TNNT2: variants seen among roughly 807,000 people sequenced by gnomAD.
TNNT2 encodes troponin T2, cardiac type, also known as troponin T, cardiac muscle.
TNNT2 carries 34 observed loss-of-function variants against 62.4 expected under a neutral mutation model. The ratio of observed to expected loss-of-function variants is 0.54; its 90% confidence interval spans 0.41 to 0.72. TNNT2 has a LOEUF of 0.72. Among genes scored for constraint, TNNT2 ranks in the 30% least tolerant of loss-of-function variants. TNNT2 has a pLI of 0.00. For missense variants in TNNT2, 275 were observed against 381.9 expected (o/e 0.72, Z 2.33); for synonymous variants, 123 against 127.2 (o/e 0.97, Z 0.22).
chr1:201,360,165 G>A (rs186600073), intron 15 of TNNT2, among the ~76,000 whole-genome samples: 1 of 152,290 alleles, frequency 6.6e-6, no homozygotes, highest in African/African-American at 2.4e-5. Flanking sequence ...ACCAAAAAAA[G>A]AGAAAAAAGT....
At chr1:201,370,135 C>T (rs1043343728) in intron 4 of TNNT2, among the ~76,000 whole-genome samples, 2 of 152,224 alleles carry the variant, frequency 1.3e-5, no homozygotes, top group African/African-American at 4.8e-5. Flanking sequence ...CCAGCAGGTG[C>T]CTGGCACAAG....
Position 201,361,296 on chromosome 1 carries a change from T to C in TNNT2, c.793A>G (p.Lys265Glu). The C allele has an allele frequency of 6.2e-7, 1 of 1,614,140 alleles. No individual in the cohort carries two copies. Among genetic ancestry groups the C allele is most frequent in the Non-Finnish European group, 8.5e-7 (1 of 1,180,004 alleles). ...AEKFDLQEKFKQQKYEINVLR... is the reference protein window; with the variant it reads ...AEKFDLQEKFEQQKYEINVLR... ...CGGCCCACCTCATATTTCTGCTGCT[T>C]GAACTTCTCCTGCAGGTCGAACTTC... Residue 265 changes from lysine (K) to glutamate (E), a missense_variant, in exon 15 of 17, where the codon AAG becomes GAG. Lys to Glu is a moderately conservative substitution (Grantham distance 56, BLOSUM62 1). Coordinates refer to ENST00000656932, the MANE Select transcript of TNNT2 (RefSeq NM_001276345.2).
At chr1:201,366,261 C>T (rs777257807) in intron 8 of TNNT2, 8 of 1,016,554 alleles carry the variant, frequency 7.9e-6, no homozygotes, top group Non-Finnish European at 9.4e-6. Context: ...TTCAGAAGGC[C>T]CCACTGAAAT....
In TNNT2 at chr1:201,363,422, G is replaced by A. The variant is rs759227554; in HGVS notation, c.490-16C>T. 1 of 1,611,280 alleles carries A rather than the reference G, an allele frequency of 6.2e-7. No homozygotes were observed. Among genetic ancestry groups the A allele is most frequent in the Non-Finnish European group, 8.5e-7 (1 of 1,177,412 alleles). ...CCCTCTCTTCCTGATTTACAGCAGGGAGGAAGAAAGCAAATTAGGGGAAAG... is the reference window on the plus strand; with the variant it reads ...CCCTCTCTTCCTGATTTACAGCAGGAAGGAAGAAAGCAAATTAGGGGAAAG... On this transcript the variant is annotated splice_polypyrimidine_tract_variant and intron_variant, in intron 11 of 16. Coordinates refer to ENST00000656932, the MANE Select transcript of TNNT2 (RefSeq NM_001276345.2).
intron 16 of TNNT2, 121 bp from the exon 17 acceptor site, chr1:201,359,376 C>T (rs1658171205): frequency 8.1e-7 from 1 of 1,237,572 alleles, no homozygotes. Context: ...CCTCCAGGGG[C>T]AGAATAGGAC....
At chr1:201,359,528 G>T in intron 16 of TNNT2, 95 bp downstream of exon 16, 1 of 1,306,108 alleles carries the variant, frequency 7.7e-7, no homozygotes, top group South Asian at 1.3e-5. Context: ...GAAGGGCTGG[G>T]AGCCTGGGGC....
intron 5 of TNNT2, chr1:201,368,433 T>G (rs1346050779): frequency 1.5e-5 from 10 of 646,956 alleles, no homozygotes; most frequent in African/African-American, 3.6e-5. Flanking sequence ...TTAGCCCCAC[T>G]CATCCCGGCA....
Position 201,363,999 on chromosome 1 carries a change from G to A in TNNT2, c.489+299C>T, listed in dbSNP as rs186864643. The A allele has an allele frequency of 1.2e-3, 490 of 416,248 alleles. 1 individual carries two copies. Among genetic ancestry groups the A allele is most frequent in the Non-Finnish European group, 1.9e-3 (415 of 223,112 alleles). The allele number at this position is 416,248 out of a possible 1,614,324, so 25.8% of individuals were successfully genotyped here. On this transcript the variant is annotated intron_variant, in intron 11 of 16. Coordinates refer to ENST00000656932, the MANE Select transcript of TNNT2 (RefSeq NM_001276345.2). The stretch of plus-strand genomic sequence containing the variant: ...CCTCCTGGGTTCAAGCGATTCTCCT[G>A]CCTCAGCCTCCTGAGTAGCTAGGAT...
At chr1:201,372,294 G>A (rs1170763238) in intron 2 of TNNT2, 139 bp from the exon 3 acceptor site, 9 of 1,260,798 alleles carry the variant, frequency 7.1e-6, no homozygotes, top group South Asian at 2.5e-5. Context: ...TGGAGTCCAC[G>A]CTGCCCTGCC....
Position 201,365,657 on chromosome 1 carries a change from T to G in TNNT2, c.247A>C (p.Asn83His), listed in dbSNP as rs1060500235. The change falls in exon 9 of 17, where the codon AAC becomes CAC. Residue 83 changes from asparagine (N) to histidine (H), a missense_variant. By Grantham distance (68) the Asn-to-His change is moderately conservative. Transcript: ENST00000656932. ...SKPKPRSFMP[N>H]LVPPKIPDGE... ...TCGGGGATCTTGGGAGGCACCAAGT[T>G]GGGCATGAACGACCTGTTGGAGAGA... is the stretch of plus-strand genomic sequence containing the variant. 6.2e-7 allele frequency: 1 copy of G among 1,613,986 alleles called. No homozygotes were observed.
At chr1:201,374,919 C>G (rs946680385) in intron 1 of TNNT2, 1 of 152,184 alleles carries the variant, frequency 6.6e-6, no homozygotes, top group Non-Finnish European at 1.5e-5. Context: ...TAAAGTGAGG[C>G]GGGAGAAGAA....
chr1:201,365,413 G>T, intron 9 of TNNT2, 106 bp from the exon 10 acceptor site: 1 of 1,212,046 alleles, frequency 8.3e-7, no homozygotes, highest in Non-Finnish European at 1.2e-6. Flanking sequence ...CTCTGGCAGG[G>T]CCTGGCGCCT....
intron 6 of TNNT2, 135 bp from the exon 7 acceptor site, chr1:201,367,941 G>T: frequency 1.8e-6 from 2 of 1,127,294 alleles, no homozygotes; most frequent in Non-Finnish European, 1.4e-6. Flanking sequence ...TTACAGAGCT[G>T]TCTCTCACAC....
intron 7 of TNNT2, 21 bp from the exon 8 acceptor site, chr1:201,366,892 C>T (rs1401551909): frequency 2.5e-6 from 4 of 1,614,000 alleles, no homozygotes; most frequent in African/African-American, 2.7e-5. Context: ...TAGAAGCACA[C>T]AGCCATGGGT....
At chr1:201,362,473 G>C (rs1165676090) in intron 12 of TNNT2, 79 bp from the exon 13 acceptor site, 1 of 1,549,020 alleles carries the variant, frequency 6.5e-7, no homozygotes, top group African/African-American at 1.4e-5. Flanking sequence ...AAGGCAGGAA[G>C]ACAAAGGCAA....
In TNNT2 at chr1:201,362,097, G is replaced by A. The variant is rs760871708; in HGVS notation, c.610-75C>T. On this transcript the variant is annotated intron_variant, in intron 13 of 16. Coordinates refer to ENST00000656932, the MANE Select transcript of TNNT2 (RefSeq NM_001276345.2). Reference sequence around the variant, plus strand: ...TCCCCTAACCCTCCCCAAACCCCCTGGGGGTGGAGCAAGGCCTGCAGGAGG... The same window carrying A: ...TCCCCTAACCCTCCCCAAACCCCCTAGGGGTGGAGCAAGGCCTGCAGGAGG... 7.8e-6 allele frequency: 12 copies of A among 1,528,980 alleles called. No individual in the cohort carries two copies. The East Asian group carries it at 2.5e-4, about 32-fold the overall frequency. 94.7% of individuals were successfully genotyped at this position (1,528,980 alleles called of 1,614,324 possible). A position where few individuals can be genotyped will look rare whatever the true frequency, so the allele number is the denominator to read the frequency against.
At chr1:201,359,741 G>T in intron 15 of TNNT2, 78 bp from the exon 16 acceptor site, 1 of 1,279,236 alleles carries the variant, frequency 7.8e-7, no homozygotes, top group Non-Finnish European at 1.1e-6. Context: ...GGGATGGGGA[G>T]AAGGGGGCTG....
rs989431901 is a variant in TNNT2 at position 201,366,664 on chromosome 1, C to A, written c.233+174G>T. On this transcript the variant is annotated intron_variant, in intron 8 of 16. Transcript: ENST00000656932. ...TTGGGTGGAATTCAGCCCTCACTCA[C>A]TCCCTTAGGAAGAGACGCTTGTGCA... 3.3e-6 allele frequency: 5 copies of A among 1,512,876 alleles called. No homozygotes were observed. The African/African-American group carries it at 5.5e-5, about 17-fold the overall frequency. The allele number at this position is 1,512,876 out of a possible 1,614,324, so 93.7% of individuals were successfully genotyped here.
intron 1 of TNNT2, among the ~76,000 whole-genome samples, chr1:201,375,622 G>T (rs570943788): frequency 7.2e-5 from 11 of 152,306 alleles, no homozygotes; most frequent in Admixed American, 5.2e-4. Flanking sequence ...CCTAACCCTA[G>T]GATGGGTGGG....
Sources: allele counts gnomAD v4.1 joint callset (sites outside exome capture counted in the v4.1 genomes callset), GRCh38; gene constraint gnomAD v4.1.1; transcripts MANE v1.5; gene names NCBI Gene and HGNC (gene_info 2026-07-23, HGNC 2026-07-21).